The following PRICKLE1 variants were observed in gnomAD, a reference collection of about 807,000 sequenced individuals.
PRICKLE1 encodes prickle planar cell polarity protein 1.
In PRICKLE1, 14 loss-of-function variants were observed where a neutral mutation model predicts 70.2. The ratio of observed to expected loss-of-function variants is 0.20; its 90% CI spans 0.13 to 0.31. The LOEUF is 0.31. PRICKLE1 is among the 10% of genes least tolerant of loss of function. The probability of loss-of-function intolerance (pLI) is 1.00; values close to 1 mark genes in which losing one functional copy is unlikely to be tolerated. For missense variants in PRICKLE1, 821 were observed against 1,026.2 expected (o/e 0.80, Z 2.73); for synonymous variants, 357 against 379.9 (o/e 0.94, Z 0.70).
At chr12:42,580,874 A>G (rs547733647) in intron 1 of PRICKLE1, among the ~76,000 whole-genome samples, 1 of 152,254 alleles carries the variant, frequency 6.6e-6, no homozygotes, top group Admixed American at 6.5e-5. Flanking sequence ...ATGAATGAAC[A>G]AAAGAGAAAG....
At chr12:42,467,673 G>A (rs905720555) in intron 5 of PRICKLE1, among the ~76,000 whole-genome samples, 8 of 152,218 alleles carry the variant, frequency 5.3e-5, no homozygotes, top group Non-Finnish European at 1.0e-4. Flanking sequence ...TTGAACACGC[G>A]GGGCGGAGGT....
intron 1 of PRICKLE1, among the ~76,000 whole-genome samples, chr12:42,566,947 A>G (rs1940630385): frequency 6.6e-6 from 1 of 152,232 alleles, no homozygotes; most frequent in South Asian, 2.1e-4. Context: ...AAGGACCTCA[A>G]AGTTCAGGGT....
chr12:42,550,350 A>C (rs1940293717), intron 1 of PRICKLE1: 1 of 152,148 alleles, frequency 6.6e-6, no homozygotes, highest in Non-Finnish European at 1.5e-5. Flanking sequence ...AGAAAGAAAA[A>C]ATCTGTTGAG....
intron 1 of PRICKLE1, among the ~76,000 whole-genome samples, chr12:42,583,641 G>A (rs892302928): frequency 6.6e-6 from 1 of 152,044 alleles, no homozygotes; most frequent in Admixed American, 6.6e-5. Context: ...TCTCTACAGG[G>A]GCTACATGAA....
intron 1 of PRICKLE1, among the ~76,000 whole-genome samples, chr12:42,495,885 G>A (rs192716752): frequency 6.5e-4 from 99 of 152,290 alleles, no homozygotes; most frequent in African/African-American, 2.1e-3. Flanking sequence ...GAGCCACTGC[G>A]CCCAGCCCCA....
At chr12:42,555,538 C>T (rs1329405746) in intron 1 of PRICKLE1, among the ~76,000 whole-genome samples, 1 of 152,134 alleles carries the variant, frequency 6.6e-6, no homozygotes, top group African/African-American at 2.4e-5. Context: ...CTGAGTATTA[C>T]ATACCCATAA....
At chr12:42,461,823 G>T (rs1268546477) in intron 7 of PRICKLE1, among the ~76,000 whole-genome samples, 1 of 152,008 alleles carries the variant, frequency 6.6e-6, no homozygotes, top group East Asian at 1.9e-4. Flanking sequence ...TTTTGAGATG[G>T]AGTCTCGCTC....
chr12:42,479,091 G>A (rs1938691546), intron 1 of PRICKLE1, among the ~76,000 whole-genome samples: 1 of 152,218 alleles, frequency 6.6e-6, no homozygotes, highest in South Asian at 2.1e-4. Context: ...GTCTAAGGAT[G>A]TTTTAAAACA....
chr12:42,475,570 C>A (rs995463697), intron 1 of PRICKLE1, among the ~76,000 whole-genome samples: 2 of 152,042 alleles, frequency 1.3e-5, no homozygotes, highest in Non-Finnish European at 2.9e-5. Flanking sequence ...AAGCTACCTG[C>A]GCTGCAGACA....
intron 1 of PRICKLE1, among the ~76,000 whole-genome samples, chr12:42,508,239 G>T (rs565218971): frequency 8.5e-5 from 13 of 152,230 alleles, no homozygotes; most frequent in African/African-American, 3.1e-4. Context: ...GATCCTCCAC[G>T]CTCATACTGC....
rs114518912 is a variant in PRICKLE1, at chr12:42,583,048, C to T, written c.-49+6417G>A. Among the ~76,000 whole-genome samples, 395 of 152,134 alleles carry T rather than the reference C, an allele frequency of 2.6e-3. 1 individual carries two copies. The highest frequency in any genetic ancestry group is 9.3e-3 in the African/African-American group (387 of 41,498). ...GTTATGTGTTTCTTCCGAAAATTGC[C>T]ATATTTGCTTATCAGTGAAATAAAA... On this transcript the variant is annotated intron_variant, in intron 1 of 7. Transcript: ENST00000345127.
rs937371198 is a variant in PRICKLE1, at chr12:42,459,541, A to C, written c.*268T>G. The C allele has an allele frequency of 1.6e-6, 1 of 618,494 alleles. No individual in the cohort carries two copies. The highest frequency in any genetic ancestry group is 2.9e-6 in the Non-Finnish European group (1 of 348,928). The allele number at this position is 618,494 out of a possible 1,614,324, so 38.3% of individuals were successfully genotyped here. On this transcript the variant is annotated 3_prime_UTR_variant, in exon 8 of 8. Coordinates refer to ENST00000345127, the MANE Select transcript of PRICKLE1 (RefSeq NM_153026.3). ...CTTCAGTATTCCCTTGAGGACTGGA[A>C]AACCAAAGCAGCTACGTCCATCTGT...
At chr12:42,485,239 G>GTTTTTTTTTTTTTTTTTTTTTTT (rs556218718) in intron 1 of PRICKLE1, 1 of 100,814 alleles carries the variant, frequency 9.9e-6, no homozygotes, top group Non-Finnish European at 1.9e-5. Context: ...CAGCTGAGAA[G>GTTTTTTTTTTTTTTTTTTTTTTT]TTTTTTTTTT....
chr12:42,503,224 G>A (rs1939346711), intron 1 of PRICKLE1, among the ~76,000 whole-genome samples: 1 of 152,060 alleles, frequency 6.6e-6, no homozygotes, highest in Admixed American at 6.6e-5. Context: ...ATCTATATCT[G>A]GGCTCCTGCA....
chr12:42,541,409 T>C (rs1440950694), intron 1 of PRICKLE1, among the ~76,000 whole-genome samples: 2 of 151,822 alleles, frequency 1.3e-5, no homozygotes, highest in African/African-American at 2.4e-5. Context: ...GGTGCCATCA[T>C]GGCTCACTGC....
At chr12:42,482,075 C>T (rs1356511515) in intron 1 of PRICKLE1, among the ~76,000 whole-genome samples, 2 of 152,226 alleles carry the variant, frequency 1.3e-5, no homozygotes, top group Admixed American at 1.3e-4. Context: ...CCAGGTAAAC[C>T]TCCGTCCAGC....
intron 1 of PRICKLE1, chr12:42,483,467 G>C (rs1337018399): frequency 6.6e-6 from 1 of 151,876 alleles, no homozygotes; most frequent in Non-Finnish European, 1.5e-5. Flanking sequence ...CGCCCGCTCT[G>C]CGTCTGAAGG....
At chr12:42,553,609 C>T (rs543158939) in intron 1 of PRICKLE1, among the ~76,000 whole-genome samples, 194 of 152,158 alleles carry the variant, frequency 1.3e-3, no homozygotes, top group Non-Finnish European at 2.5e-3. Flanking sequence ...GTTACTTAAC[C>T]TCTCTAAGCT....
intron 1 of PRICKLE1, among the ~76,000 whole-genome samples, chr12:42,533,881 C>T (rs187420877): frequency 1.2e-4 from 18 of 152,232 alleles, no homozygotes; most frequent in South Asian, 6.2e-4. Flanking sequence ...ACGCCCCTAA[C>T]GACAAAACTA....
Sources: allele counts gnomAD v4.1 joint callset (sites outside exome capture counted in the v4.1 genomes callset), GRCh38; gene constraint gnomAD v4.1.1; transcripts MANE v1.5; gene names NCBI Gene and HGNC (gene_info 2026-07-23, HGNC 2026-07-21).